The following TSG101 variants were observed in gnomAD, a reference collection of about 807,000 sequenced individuals.
The protein encoded by TSG101 is tumor susceptibility 101.
In TSG101, 19 loss-of-function variants were observed where a neutral mutation model predicts 48.5. The observed-to-expected ratio is 0.39, with a 90% CI of 0.27 to 0.58. TSG101 has a LOEUF of 0.58. Ranked by LOEUF, TSG101 falls within the 20% of genes least tolerant of loss-of-function variation. The pLI is 0.55. For missense variants in TSG101, 365 were observed against 484.4 expected, an observed-to-expected ratio of 0.75 and a Z score of 2.31; for synonymous variants, 174 against 169.4, an observed-to-expected ratio of 1.03 and a Z score of -0.21.
chr11:18,525,615 T>G, intron 1 of TSG101: 2 of 894,132 alleles, frequency 2.2e-6, no homozygotes, highest in Non-Finnish European at 2.7e-6. Flanking sequence ...CAATATACCG[T>G]TTTTTTCAAA....
chr11:18,481,848 C>G lies in TSG101; in HGVS notation c.865G>C (p.Glu289Gln). The change falls in exon 9 of 10, where the codon GAA becomes CAA. Residue 289 changes from glutamate (E) to glutamine (Q), a missense_variant. Coordinates refer to ENST00000251968, the MANE Select transcript of TSG101 (RefSeq NM_006292.4). ...TCTTCATCCTTCTTTTTCAAAAGTT[C>G]TATGTTTTTATCAACCTCGGCCTGA... ...QEVAEVDKNI[E>Q]LLKKKDEELS... is the part of the protein sequence containing the mutation. 6.2e-7 allele frequency: 1 copy of G among 1,613,404 alleles called. No individual in the cohort carries two copies.
At chr11:18,514,539 A>T in intron 4 of TSG101, 139 bp downstream of exon 4, 1 of 532,380 alleles carries the variant, frequency 1.9e-6, no homozygotes, top group Non-Finnish European at 3.0e-6. Context: ...TTTCTAATTT[A>T]CCCTCAACTC....
At chr11:18,495,102 C>T (rs1199901474) in intron 7 of TSG101, among the ~76,000 whole-genome samples, 1 of 152,154 alleles carries the variant, frequency 6.6e-6, no homozygotes, top group East Asian at 1.9e-4. Context: ...GTTAATAGCA[C>T]CCTTCCAAAC....
At chr11:18,481,562 G>C in intron 9 of TSG101, 68 bp downstream of exon 9, 1 of 1,553,008 alleles carries the variant, frequency 6.4e-7, no homozygotes, top group Non-Finnish European at 8.7e-7. Flanking sequence ...CTCTTGGTTT[G>C]TGGTTTGCAA....
At chr11:18,516,682 C>T (rs1850180886) in intron 2 of TSG101, among the ~76,000 whole-genome samples, 1 of 151,892 alleles carries the variant, frequency 6.6e-6, no homozygotes, top group Non-Finnish European at 1.5e-5. Flanking sequence ...TGGTTCGCGC[C>T]TGTAATCCCA....
intron 7 of TSG101, among the ~76,000 whole-genome samples, chr11:18,501,555 A>G (rs1161477996): frequency 2.0e-5 from 3 of 152,172 alleles, no homozygotes; most frequent in Non-Finnish European, 2.9e-5. Context: ...TGATGCTTCC[A>G]GCTTTGTTCT....
At chr11:18,493,858 T>C (rs554417068) in intron 7 of TSG101, among the ~76,000 whole-genome samples, 17 of 152,338 alleles carry the variant, frequency 1.1e-4, no homozygotes, top group African/African-American at 4.1e-4. Flanking sequence ...TTTTTATTTA[T>C]AGTGTATGAA....
intron 2 of TSG101, among the ~76,000 whole-genome samples, chr11:18,518,667 T>C (rs7129164): frequency 0.35 from 52,734 of 152,042 alleles, 10,349 homozygotes; most frequent in Non-Finnish European, 0.45. Flanking sequence ...GTCCAGAGTA[T>C]AGTTTCGCAA....
intron 7 of TSG101, among the ~76,000 whole-genome samples, chr11:18,497,567 C>T (rs1037569787): frequency 3.9e-5 from 6 of 152,058 alleles, no homozygotes; most frequent in African/African-American, 1.4e-4. Flanking sequence ...ATGCTTCGTA[C>T]CTAATGTAAT....
chr11:18,506,194 G>A (rs1195428763), intron 6 of TSG101, among the ~76,000 whole-genome samples: 1 of 152,016 alleles, frequency 6.6e-6, no homozygotes, highest in Non-Finnish European at 1.5e-5. Context: ...CTACAGAAAA[G>A]CAGCTCCTGG....
At chr11:18,492,854 A>G (rs1020081248) in intron 7 of TSG101, among the ~76,000 whole-genome samples, 1 of 152,112 alleles carries the variant, frequency 6.6e-6, no homozygotes, top group Admixed American at 6.5e-5. Context: ...TAAAAGAAAA[A>G]CTCATCAAAG....
Position 18,481,744 on chromosome 11 carries a change from G to A in TSG101, c.969C>T (p.Pro323=). 6.2e-7 allele frequency: 1 copy of A among 1,614,154 alleles called. No individual in the cohort carries two copies. Among genetic ancestry groups the A allele is most frequent in the African/African-American group, 1.3e-5 (1 of 75,034 alleles). ...ACAGATTCAGGATCTGTTTGTATAA[G>A]GGAGCTGTGGGAATGATAACTTCAT... The part of the protein sequence containing the change: ...DIDEVIIPTA[P]LYKQILNLYA... Residue 323 remains proline (P), a synonymous_variant, in exon 9 of 10, where the codon CCC becomes CCT. Coordinates refer to ENST00000251968, the MANE Select transcript of TSG101 (RefSeq NM_006292.4).
intron 9 of TSG101, chr11:18,481,368 C>G: frequency 2.5e-6 from 3 of 1,211,234 alleles, no homozygotes; most frequent in Non-Finnish European, 3.1e-6. Flanking sequence ...CACCCAGGCA[C>G]AGAAGAGTTA....
intron 7 of TSG101, among the ~76,000 whole-genome samples, chr11:18,498,449 G>A (rs1266393818): frequency 6.6e-6 from 1 of 152,152 alleles, no homozygotes; most frequent in Non-Finnish European, 1.5e-5. Context: ...ATGGTGACTT[G>A]GATCAGCACT....
intron 6 of TSG101, among the ~76,000 whole-genome samples, chr11:18,503,135 G>A (rs1286655329): frequency 2.6e-5 from 4 of 152,048 alleles, no homozygotes; most frequent in Non-Finnish European, 4.4e-5. Context: ...TTTCCTTAGA[G>A]GTATTCTACT....
rs2133928905 is a variant in TSG101, at chr11:18,514,831, G to A, written c.204C>T (p.Tyr68=). ...GTAGCCATAGGCATATTGGAATATT[G>A]TATGTATTACCTGAAAAAGAAATAG... ...TIPVPYRGNT[Y]NIPICLWLLD... Residue 68 remains tyrosine, a synonymous_variant, in exon 4 of 10, where the codon TAC becomes TAT. Transcript: ENST00000251968. The A allele has an allele frequency of 6.5e-7, 1 of 1,548,864 alleles. No individual in the cohort carries two copies. The highest frequency in any genetic ancestry group is 8.6e-7 in the Non-Finnish European group (1 of 1,158,710).
rs182009878 is a variant in TSG101, at chr11:18,516,940, T to C, written c.128-776A>G. Among the ~76,000 whole-genome samples, 586 of 152,110 alleles carry C rather than the reference T, an allele frequency of 3.9e-3. 2 individuals carry two copies. Among genetic ancestry groups the C allele is most frequent in the African/African-American group, 0.013 (545 of 41,522 alleles). On this transcript the variant is annotated intron_variant, in intron 2 of 9. Coordinates refer to ENST00000251968, the MANE Select transcript of TSG101 (RefSeq NM_006292.4). The stretch of plus-strand genomic sequence containing the variant: ...CTGGGCAACAAGAGCAAAACTCCAC[T>C]GCAAACAAACAAACAAAAAAACACT...
intron 2 of TSG101, among the ~76,000 whole-genome samples, chr11:18,518,959 T>C (rs1055440188): frequency 3.9e-5 from 6 of 152,156 alleles, no homozygotes; most frequent in African/African-American, 1.2e-4. Flanking sequence ...ATCTTTAACA[T>C]CCCCTCCTAG....
chr11:18,480,512 A>G lies in TSG101; in HGVS notation c.*34T>C. On this transcript the variant is annotated 3_prime_UTR_variant, in exon 10 of 10. Transcript: ENST00000251968. ...ATAAAAGGAAGAGAAGAATACTTTA[A>G]GAAGAGCTCAACCTCCAGCTGGTAT... 4 of 1,565,574 alleles carry G rather than the reference A, an allele frequency of 2.6e-6. No homozygotes were observed. Among genetic ancestry groups the G allele is most frequent in the South Asian group, 2.3e-5 (2 of 88,840 alleles).
Sources: gnomAD v4.1 joint callset for allele counts (sites outside exome capture counted in the v4.1 genomes callset) on GRCh38, gnomAD v4.1.1 for gene constraint, MANE v1.5 for transcripts, NCBI Gene and HGNC (gene_info 2026-07-23, HGNC 2026-07-21) for gene names.